Variants in LINGO2 observed in about 807,000 individuals in gnomAD.
LINGO2 encodes leucine-rich repeat and immunoglobulin-like domain-containing nogo receptor-interacting protein 2.
In LINGO2, 14 loss-of-function variants were observed where a neutral mutation model predicts 30.6. The observed-to-expected ratio is 0.46, with a 90% CI of 0.30 to 0.72. The LOEUF (loss-of-function observed/expected upper bound fraction) is 0.72. Ranked by LOEUF, LINGO2 falls within the 30% of genes least tolerant of loss-of-function variation. LINGO2 has a pLI of 0.07. For synonymous variants in LINGO2, 317 were observed against 288.5 expected (o/e 1.10, Z -1.00); for missense variants, 729 against 751.7 (o/e 0.97, Z 0.35).
the LINGO2 span, among the ~76,000 whole-genome samples, chr9:29,093,107 A>T: frequency 7.7e-6 from 1 of 129,478 alleles, no homozygotes; most frequent in Non-Finnish European, 1.6e-5. Context: ...AGAGACATGG[A>T]TATTGATATC....
chr9:28,696,185 T>C, the LINGO2 span, among the ~76,000 whole-genome samples: 2 of 151,946 alleles, frequency 1.3e-5, no homozygotes, highest in Admixed American at 6.6e-5. Context: ...CAGTTGGCTA[T>C]TAAAACACTA....
chr9:29,178,938 G>C, the LINGO2 span, among the ~76,000 whole-genome samples: 2 of 151,472 alleles, frequency 1.3e-5, no homozygotes, highest in African/African-American at 2.4e-5. Context: ...GCTAGACTGG[G>C]CAACATAGCA....
chr9:27,989,560 G>A (rs569723684), intron 5 of LINGO2, among the ~76,000 whole-genome samples: 1 of 151,858 alleles, frequency 6.6e-6, no homozygotes, highest in Non-Finnish European at 1.5e-5. Context: ...ACTAGGGGAT[G>A]AAATGCTCAG....
chr9:28,985,200 G>T, the LINGO2 span, among the ~76,000 whole-genome samples: 3 of 152,116 alleles, frequency 2.0e-5, no homozygotes, highest in South Asian at 6.2e-4. Context: ...ACAGAATTTC[G>T]TTCTTTATTA....
At chr9:28,792,297 G>T in the LINGO2 span, among the ~76,000 whole-genome samples, 1 of 151,910 alleles carries the variant, frequency 6.6e-6, no homozygotes, top group African/African-American at 2.4e-5. Context: ...ATGGAAAATG[G>T]ACACTGATTA....
chr9:28,034,563 G>C (rs1823839888), intron 4 of LINGO2, among the ~76,000 whole-genome samples: 1 of 152,086 alleles, frequency 6.6e-6, no homozygotes, highest in South Asian at 2.1e-4. Flanking sequence ...TGAAGGATAG[G>C]GCTTTGCAAG....
chr9:28,778,235 A>G, the LINGO2 span, among the ~76,000 whole-genome samples: 4 of 152,194 alleles, frequency 2.6e-5, no homozygotes, highest in Admixed American at 2.6e-4. Context: ...TTTACTTTAG[A>G]TAAAATGTTT....
chr9:29,205,108 T>C, the LINGO2 span, among the ~76,000 whole-genome samples: 9 of 152,300 alleles, frequency 5.9e-5, no homozygotes, highest in Middle Eastern at 3.4e-3. Context: ...TGGTGCATTC[T>C]TGGCTCACTG....
intron 4 of LINGO2, among the ~76,000 whole-genome samples, chr9:28,086,722 G>A (rs1432652176): frequency 6.6e-6 from 1 of 152,040 alleles, no homozygotes; most frequent in Non-Finnish European, 1.5e-5. Flanking sequence ...ACGAGTGAGA[G>A]TGAAAAACTT....
rs551507935 is a variant in LINGO2, at chr9:28,569,284, G to T, written c.-364-93259C>A. On this transcript the variant is annotated intron_variant, in intron 1 of 5. Transcript: ENST00000379992. The stretch of plus-strand genomic sequence containing the variant: ...CGTATGATCCAGCAATCCCACTTCT[G>T]GGTATACAGCCAAAGGAAATGAAAT... 5.3e-5 allele frequency among the ~76,000 whole-genome samples: 8 copies of T among 151,838 alleles called. 1 individual carries two copies. The South Asian group carries it at 1.7e-3, about 31-fold the overall frequency.
At chr9:28,043,548 G>A (rs1256642843) in intron 4 of LINGO2, among the ~76,000 whole-genome samples, 1 of 152,160 alleles carries the variant, frequency 6.6e-6, no homozygotes, top group Non-Finnish European at 1.5e-5. Context: ...AGAACTCAAA[G>A]CATAAGGAAT....
intron 4 of LINGO2, among the ~76,000 whole-genome samples, chr9:28,124,535 G>A (rs1389391054): frequency 1.3e-5 from 2 of 152,136 alleles, no homozygotes; most frequent in South Asian, 2.1e-4. Context: ...GACAAACTAT[G>A]TTTATCTTGT....
At chr9:28,805,437 T>C in the LINGO2 span, among the ~76,000 whole-genome samples, 37 of 152,256 alleles carry the variant, frequency 2.4e-4, no homozygotes, top group Non-Finnish European at 4.0e-4. Flanking sequence ...ATCTACCACA[T>C]GGCTTCTCTA....
chr9:28,274,511 G>A (rs1184206775), intron 4 of LINGO2, among the ~76,000 whole-genome samples: 3 of 152,148 alleles, frequency 2.0e-5, no homozygotes, highest in Non-Finnish European at 4.4e-5. Context: ...TATCTGAACT[G>A]TGAAAATTGA....
the LINGO2 span, among the ~76,000 whole-genome samples, chr9:28,726,359 G>T: frequency 4.6e-5 from 7 of 152,142 alleles, no homozygotes; most frequent in African/African-American, 1.7e-4. Context: ...GTTGCAACAA[G>T]TAGACAGAGT....
chr9:29,066,546 C>G, the LINGO2 span, among the ~76,000 whole-genome samples: 1 of 151,886 alleles, frequency 6.6e-6, no homozygotes, highest in African/African-American at 2.4e-5. Flanking sequence ...ATCCCTGAAT[C>G]ATAAAATCAG....
chr9:28,931,919 C>T, the LINGO2 span, among the ~76,000 whole-genome samples: 1,395 of 151,182 alleles, frequency 9.2e-3, 12 homozygotes, highest in Non-Finnish European at 0.014. Flanking sequence ...ATCAGCCTGG[C>T]CAATATGCTG....
intron 1 of LINGO2, among the ~76,000 whole-genome samples, chr9:28,620,878 C>T (rs536039654): frequency 6.6e-5 from 10 of 152,022 alleles, no homozygotes; most frequent in Admixed American, 2.0e-4. Context: ...CTAATGGTTA[C>T]GAGGCTTAAT....
chr9:28,273,888 A>G (rs1823027870), intron 4 of LINGO2, among the ~76,000 whole-genome samples: 1 of 152,156 alleles, frequency 6.6e-6, no homozygotes. Context: ...TAATTTCCAT[A>G]GCAAATTTAC....
Sources: allele counts gnomAD v4.1 joint callset (sites outside exome capture counted in the v4.1 genomes callset), GRCh38; gene constraint gnomAD v4.1.1; transcripts MANE v1.5; gene names NCBI Gene and HGNC (gene_info 2026-07-23, HGNC 2026-07-21).